The following STAT5B variants were observed in gnomAD, a reference collection of about 807,000 sequenced individuals.
The protein encoded by STAT5B is transcription factor STAT5B.
Under a neutral mutation model 107.8 loss-of-function variants are expected in STAT5B, and 21 were observed. The ratio of observed to expected loss-of-function variants is 0.19; its 90% CI spans 0.14 to 0.28. The LOEUF is 0.28. Ranked by LOEUF, STAT5B falls within the 10% of genes least tolerant of loss-of-function variation. The pLI is 1.00. For synonymous variants in STAT5B, 325 were observed against 401.7 expected (o/e 0.81, Z 2.28); for missense variants, 565 against 1,008.2 (o/e 0.56, Z 5.95).
At chr17:42,285,518 A>G in the STAT5B span, among the ~76,000 whole-genome samples, 1 of 152,104 alleles carries the variant, frequency 6.6e-6, no homozygotes, top group Non-Finnish European at 1.5e-5. Flanking sequence ...GCTCAGTCAG[A>G]CCCTTGACAG....
chr17:42,222,619 T>G (rs1035989033), intron 5 of STAT5B, among the ~76,000 whole-genome samples: 3 of 151,932 alleles, frequency 2.0e-5, no homozygotes, highest in Admixed American at 6.6e-5. Flanking sequence ...CAAGTGATCC[T>G]CCTGCCCTGG....
At chr17:42,214,064 A>G (rs2080151666) in intron 12 of STAT5B, 1 of 309,878 alleles carries the variant, frequency 3.2e-6, no homozygotes, top group Non-Finnish European at 4.7e-6. Context: ...AATCGCTTGA[A>G]TCCAGAAGGC....
At chr17:42,214,647 C>T (rs1469884989) in intron 12 of STAT5B, 1 of 984,614 alleles carries the variant, frequency 1.0e-6, no homozygotes, top group Non-Finnish European at 1.2e-6. Context: ...GTTGGATATA[C>T]TTAGAGAAGG....
chr17:42,281,140 A>AG (rs1555555750), upstream of STAT5B, among the ~76,000 whole-genome samples: 1 of 152,046 alleles, frequency 6.6e-6, no homozygotes, highest in African/African-American at 2.4e-5. Context: ...TCTCAAAAAA[A>AG]AAAAACAAAA....
chr17:42,224,963 G>T, intron 3 of STAT5B, 95 bp from the exon 4 acceptor site: 1 of 1,214,010 alleles, frequency 8.2e-7, no homozygotes, highest in Non-Finnish European at 1.2e-6. Flanking sequence ...GGGACCTCCT[G>T]AATCACAGGA....
intron 15 of STAT5B, among the ~76,000 whole-genome samples, 157 bp from the exon 16 acceptor site, chr17:42,207,885 A>G (rs998766804): frequency 2.6e-5 from 4 of 152,130 alleles, no homozygotes; most frequent in Admixed American, 6.5e-5. Context: ...AAATACTTTT[A>G]TTTATTTACT....
intron 1 of STAT5B, among the ~76,000 whole-genome samples, chr17:42,258,920 A>G (rs550850531): frequency 2.0e-5 from 3 of 152,074 alleles, no homozygotes; most frequent in East Asian, 1.9e-4. Flanking sequence ...ACTGGGGGGA[A>G]CTCTCTTTTG....
Position 42,207,649 on chromosome 17 carries a change from G to A in STAT5B, c.1986C>T (p.Asp662=), listed in dbSNP as rs1255678032. 1.2e-6 allele frequency: 2 copies of A among 1,614,156 alleles called. No individual in the cohort carries two copies. Among genetic ancestry groups the A allele is most frequent in the East Asian group, 4.5e-5 (2 of 44,878 alleles). ...SIRSLADRLG[D]LNYLIYVFPD... is the part of the protein sequence containing the mutation. ...GAAACACGTAGATAAGGTAATTCAA[G>A]TCTCCCAAGCGGTCGGCTAGGGACC... Residue 662 remains aspartate (D), a synonymous_variant, in exon 16 of 19, where the codon GAC becomes GAT. Coordinates refer to ENST00000293328, the MANE Select transcript of STAT5B (RefSeq NM_012448.4).
chr17:42,262,874 A>G (rs1341632064), intron 1 of STAT5B, among the ~76,000 whole-genome samples: 14 of 125,520 alleles, frequency 1.1e-4, no homozygotes, highest in East Asian at 2.2e-4. Flanking sequence ...ATGTGTGTGT[A>G]TATATACACA....
At chr17:42,205,037 CT>C (rs996902834) in intron 16 of STAT5B, among the ~76,000 whole-genome samples, 3 of 152,034 alleles carry the variant, frequency 2.0e-5, no homozygotes, top group African/African-American at 7.2e-5. Context: ...GGATATATTT[CT>C]TTTTTTTGAG....
intron 5 of STAT5B, among the ~76,000 whole-genome samples, chr17:42,220,304 T>G (rs548631830): frequency 3.4e-4 from 52 of 151,804 alleles, no homozygotes; most frequent in African/African-American, 9.0e-4. Flanking sequence ...TGGGGTGCAT[T>G]AAGATTAAAT....
chr17:42,223,631 C>T (rs2080249381), intron 4 of STAT5B, 75 bp from the exon 5 acceptor site: 1 of 1,573,058 alleles, frequency 6.4e-7, no homozygotes, highest in Admixed American at 1.8e-5. Flanking sequence ...CAGGAAAAGC[C>T]AGCTCCTACA....
chr17:42,267,226 T>C (rs1464976407), intron 1 of STAT5B, among the ~76,000 whole-genome samples: 1 of 152,254 alleles, frequency 6.6e-6, no homozygotes, highest in Non-Finnish European at 1.5e-5. Context: ...AATGCCTATG[T>C]TACTGGTTTA....
chr17:42,214,875 C>A (rs150788749), intron 12 of STAT5B, among the ~76,000 whole-genome samples: 24 of 152,260 alleles, frequency 1.6e-4, no homozygotes, highest in Middle Eastern at 3.4e-3. Context: ...TCAGCCCCCC[C>A]CAAGTAGCTG....
intron 1 of STAT5B, among the ~76,000 whole-genome samples, chr17:42,249,913 C>T (rs1228988993): frequency 6.6e-6 from 1 of 152,120 alleles, no homozygotes; most frequent in Admixed American, 6.6e-5. Context: ...CCACCCACCT[C>T]GGCCCTCCAA....
chr17:42,235,975 T>G (rs1387227266), intron 1 of STAT5B, among the ~76,000 whole-genome samples: 1 of 152,220 alleles, frequency 6.6e-6, no homozygotes, highest in Non-Finnish European at 1.5e-5. Context: ...GTAGGGGTAT[T>G]AAAAAATGTC....
rs187214937 is a variant in STAT5B, at chr17:42,201,230, A to C, written c.*508T>G. Reference sequence around the variant, plus strand: ...TCTCTTTGTCAAAAAGCAGTTATCTACATTTCAGAAGAAAAGCAGAGACAA... The same window carrying C: ...TCTCTTTGTCAAAAAGCAGTTATCTCCATTTCAGAAGAAAAGCAGAGACAA... On this transcript the variant is annotated 3_prime_UTR_variant, in exon 19 of 19. Transcript: ENST00000293328. 3 of 423,700 alleles carry C rather than the reference A, an allele frequency of 7.1e-6. No homozygotes were observed. The highest frequency in any genetic ancestry group is 6.1e-5 in the African/African-American group (3 of 49,236). 26.2% of individuals were successfully genotyped at this position (423,700 alleles called of 1,614,324 possible).
chr17:42,207,436 G>A, intron 16 of STAT5B, 122 bp downstream of exon 16: 1 of 1,306,964 alleles, frequency 7.7e-7, no homozygotes, highest in Non-Finnish European at 1.1e-6. Flanking sequence ...TGCTCTCACT[G>A]AATGGTAATT....
chr17:42,207,616 C>A lies in STAT5B; in HGVS notation c.2019G>T (p.Arg673=). The A allele has an allele frequency of 6.2e-7, 1 of 1,613,942 alleles. No homozygotes were observed. Among genetic ancestry groups the A allele is most frequent in the Non-Finnish European group, 8.5e-7 (1 of 1,180,018 alleles). The change falls in exon 16 of 19, where the codon CGG becomes CGT. Residue 673 remains arginine, a synonymous_variant. Coordinates refer to ENST00000293328, the MANE Select transcript of STAT5B (RefSeq NM_012448.4). ...ATTTGGAGTATACTTCATCTTTTGG[C>A]CGATCAGGAAACACGTAGATAAGGT... The part of the protein sequence containing the change: ...LNYLIYVFPD[R]PKDEVYSKYY...
Sources: allele counts gnomAD v4.1 joint callset (sites outside exome capture counted in the v4.1 genomes callset), GRCh38; gene constraint gnomAD v4.1.1; transcripts MANE v1.5; gene names NCBI Gene and HGNC (gene_info 2026-07-23, HGNC 2026-07-21).